The following PLXNC1 variants were observed in gnomAD, a reference collection of about 807,000 sequenced individuals.
PLXNC1 encodes the protein plexin C1.
A neutral mutation model predicts 178.2 loss-of-function variants in PLXNC1; 75 were observed. The observed-to-expected ratio is 0.42, with a 90% CI of 0.35 to 0.51. The LOEUF (loss-of-function observed/expected upper bound fraction) is 0.51. Among genes scored for constraint, PLXNC1 ranks in the 20% least tolerant of loss-of-function variants. The pLI, the probability that PLXNC1 is intolerant of heterozygous loss-of-function variation, is 0.02. For synonymous variants in PLXNC1, 790 were observed against 779.9 expected, an observed-to-expected ratio of 1.01 and a Z score of -0.22; for missense variants, 1,503 against 1,984.4, an observed-to-expected ratio of 0.76 and a Z score of 4.61.
In PLXNC1 at chr12:94,202,223, T is replaced by C. The variant is rs1229619119; in HGVS notation, c.1440-7367T>C. On this transcript the variant is annotated intron_variant, in intron 4 of 30. Transcript: ENST00000258526. ...TGAAATTATTTTAAATGATTGTCTG[T>C]TTATTTGGTTTTTGTCTATGTGCTT... 4.6e-5 allele frequency among the ~76,000 whole-genome samples: 7 copies of C among 152,206 alleles called. No individual in the cohort carries two copies. The East Asian group carries it at 1.3e-3, about 29-fold the overall frequency.
chr12:94,290,594 G>C (rs1967216150), intron 23 of PLXNC1, among the ~76,000 whole-genome samples: 6 of 152,224 alleles, frequency 3.9e-5, no homozygotes, highest in Admixed American at 3.9e-4. Flanking sequence ...TGGCTGGACA[G>C]CTGTGTTTGA....
chr12:94,277,530 G>C (rs1474808359), intron 21 of PLXNC1, among the ~76,000 whole-genome samples: 1 of 152,174 alleles, frequency 6.6e-6, no homozygotes, highest in Non-Finnish European at 1.5e-5. Context: ...TTGCAGATGA[G>C]AAAGCGACAT....
At chr12:94,293,536 T>C (rs1828567846) in intron 23 of PLXNC1, among the ~76,000 whole-genome samples, 1 of 152,226 alleles carries the variant, frequency 6.6e-6, no homozygotes, top group Non-Finnish European at 1.5e-5. Flanking sequence ...GTGAGGACCC[T>C]CCTCCTGGTT....
intron 4 of PLXNC1, among the ~76,000 whole-genome samples, chr12:94,199,369 T>C (rs936097288): frequency 6.6e-6 from 1 of 152,234 alleles, no homozygotes; most frequent in African/African-American, 2.4e-5. Context: ...GAATTGGGGA[T>C]GGCCCCTCCT....
chr12:94,165,447 C>G (rs1021775490), intron 1 of PLXNC1, among the ~76,000 whole-genome samples: 1 of 152,192 alleles, frequency 6.6e-6, no homozygotes, highest in African/African-American at 2.4e-5. Context: ...GTCCAAGCCT[C>G]CTCTCCTGTT....
At chr12:94,233,495 G>A (rs1043623832) in intron 9 of PLXNC1, among the ~76,000 whole-genome samples, 7 of 152,228 alleles carry the variant, frequency 4.6e-5, no homozygotes, top group Admixed American at 4.6e-4. Flanking sequence ...AGCCAAGTCA[G>A]CCTCCTTTTA....
chr12:94,263,606 G>A (rs1436005295), intron 20 of PLXNC1, among the ~76,000 whole-genome samples: 2 of 152,172 alleles, frequency 1.3e-5, no homozygotes, highest in African/African-American at 4.8e-5. Flanking sequence ...TGTGGTCAGG[G>A]CATTACTTGG....
intron 1 of PLXNC1, among the ~76,000 whole-genome samples, chr12:94,162,126 A>G (rs931323668): frequency 2.6e-5 from 4 of 152,210 alleles, no homozygotes; most frequent in Admixed American, 2.0e-4. Context: ...TTTGAAGGAA[A>G]TAAATGGAGT....
rs1968744843 is a variant in PLXNC1 at position 94,303,960 on chromosome 12, A to G, written c.4528-17A>G. On this transcript the variant is annotated splice_polypyrimidine_tract_variant and intron_variant, in intron 29 of 30. Transcript: ENST00000258526. ...CTTTACGTCATTTCAGAATCTCTCA[A>G]CAAGTCTTTCTTTTAGAAACATGAA... is the stretch of plus-strand genomic sequence containing the variant. 2 of 1,607,216 alleles carry G rather than the reference A, an allele frequency of 1.2e-6. No individual in the cohort carries two copies.
Position 94,248,226 on chromosome 12 carries a change from G to A in PLXNC1, c.2593-1G>A. On this transcript the variant is annotated splice_acceptor_variant, in intron 13 of 30. Transcript: ENST00000258526. LOFTEE classifies it high-confidence loss of function. The stretch of plus-strand genomic sequence containing the variant: ...CTCCATCTTCATTTTGTTCTTTACA[G>A]AAAGAAAATGACAACTTCAACATTT... The A allele has an allele frequency of 6.2e-7, 1 of 1,607,416 alleles. No individual in the cohort carries two copies. The highest frequency in any genetic ancestry group is 2.2e-5 in the East Asian group (1 of 44,852).
At chr12:94,218,574 G>A (rs1963708266) in intron 5 of PLXNC1, among the ~76,000 whole-genome samples, 1 of 152,102 alleles carries the variant, frequency 6.6e-6, no homozygotes, top group African/African-American at 2.4e-5. Context: ...TCCACTGTTG[G>A]CATGTTAATT....
At position 94,181,195 on chromosome 12, in the gene PLXNC1, C is replaced by A. The variant is rs372059867; in HGVS notation, c.1204-251C>A. Among the ~76,000 whole-genome samples the A allele has an allele frequency of 2.6e-5, 4 of 151,768 alleles. No homozygotes were observed. The South Asian group carries it at 8.3e-4, about 32-fold the overall frequency. ...CGGGTGGATCACGAGGTCAGGAGAT[C>A]AAAACCATCCTGGCCAACGTAGTGA... On this transcript the variant is annotated intron_variant, in intron 2 of 30. Coordinates refer to ENST00000258526, the MANE Select transcript of PLXNC1 (RefSeq NM_005761.3).
chr12:94,211,117 G>C (rs10507032), intron 5 of PLXNC1, among the ~76,000 whole-genome samples: 31,146 of 152,084 alleles, frequency 0.2, 3,333 homozygotes, highest in Middle Eastern at 0.26. Flanking sequence ...CTAGCTAGGG[G>C]CTCACTATTA....
chr12:94,302,775 T>C (rs1968595595), intron 28 of PLXNC1, among the ~76,000 whole-genome samples: 1 of 152,216 alleles, frequency 6.6e-6, no homozygotes, highest in African/African-American at 2.4e-5. Context: ...ATTTGTATCA[T>C]AGTAAGCACT....
In PLXNC1 at chr12:94,227,133, A is replaced by C; in HGVS notation, c.1894-16A>C. 6.5e-7 allele frequency: 1 copy of C among 1,532,680 alleles called. No individual in the cohort carries two copies. The highest frequency in any genetic ancestry group is 9.0e-7 in the Non-Finnish European group (1 of 1,105,828). The allele number at this position is 1,532,680 out of a possible 1,614,324, so 94.9% of individuals were successfully genotyped here. On this transcript the variant is annotated splice_polypyrimidine_tract_variant and intron_variant, in intron 8 of 30. Transcript: ENST00000258526. Reference sequence around the variant, plus strand: ...TACCACCCATCTGGATGTTGAAGGGATGTTCTCCATTCCAGGAACAGTGTC... The same window carrying C: ...TACCACCCATCTGGATGTTGAAGGGCTGTTCTCCATTCCAGGAACAGTGTC...
At chr12:94,284,759 G>A (rs1485567952) in intron 23 of PLXNC1, among the ~76,000 whole-genome samples, 1 of 152,142 alleles carries the variant, frequency 6.6e-6, no homozygotes. Flanking sequence ...CAAGATGTAG[G>A]GGTAGGGAGG....
At position 94,192,478 on chromosome 12, in the gene PLXNC1, A is replaced by G. The variant is rs570019333; in HGVS notation, c.1439+6005A>G. On this transcript the variant is annotated intron_variant, in intron 4 of 30. Coordinates refer to ENST00000258526, the MANE Select transcript of PLXNC1 (RefSeq NM_005761.3). ...GATCTAGTAATGCTGTATAACAAAC[A>G]ACCCCCAAATCCTTAGTGGTCTAAA... Among the ~76,000 whole-genome samples the G allele has an allele frequency of 4.3e-4, 65 of 151,328 alleles. No homozygotes were observed. In the South Asian group the frequency reaches 5.0e-3, roughly 12 times the overall value.
At chr12:94,268,054 C>T (rs11834447) in intron 21 of PLXNC1, among the ~76,000 whole-genome samples, 10,023 of 152,230 alleles carry the variant, frequency 0.066, 459 homozygotes, top group African/African-American at 0.13. Flanking sequence ...AAATCAAGAG[C>T]ATCCTCACGA....
At chr12:94,273,651 C>T (rs1477996023) in intron 21 of PLXNC1, among the ~76,000 whole-genome samples, 2 of 152,184 alleles carry the variant, frequency 1.3e-5, no homozygotes, top group African/African-American at 4.8e-5. Flanking sequence ...CACAGTTCTT[C>T]TACTAGTCTG....
Sources: gnomAD v4.1 joint callset for allele counts (sites outside exome capture counted in the v4.1 genomes callset) on GRCh38, gnomAD v4.1.1 for gene constraint, MANE v1.5 for transcripts, NCBI Gene and HGNC (gene_info 2026-07-23, HGNC 2026-07-21) for gene names.